Variants in CYFIP2 observed in about 807,000 individuals in gnomAD.
CYFIP2 encodes the protein cytoplasmic FMR1 interacting protein 2, also known as cytoplasmic FMR1-interacting protein 2.
Under a neutral mutation model 158.7 loss-of-function variants are expected in CYFIP2, and 29 were observed. The observed-to-expected ratio is 0.18, with a 90% CI of 0.14 to 0.25. The LOEUF is 0.25. CYFIP2 is among the 10% of genes least tolerant of loss of function. The probability of loss-of-function intolerance (pLI) is 1.00; values close to 1 mark genes in which losing one functional copy is unlikely to be tolerated. For missense variants in CYFIP2, 852 were observed against 1,639.5 expected (o/e 0.52, Z 8.29); for synonymous variants, 585 against 617.6 (o/e 0.95, Z 0.78).
At chr5:157,298,817 AC>A (rs1169148887) in intron 5 of CYFIP2, among the ~76,000 whole-genome samples, 3 of 152,158 alleles carry the variant, frequency 2.0e-5, no homozygotes, top group African/African-American at 7.2e-5. Context: ...GAATCATATA[AC>A]GTGGTCTTTT....
chr5:157,319,937 T>C lies in CYFIP2; in HGVS notation c.1523+9T>C. On this transcript the variant is annotated intron_variant, in intron 14 of 30. Coordinates refer to ENST00000620254, the MANE Select transcript of CYFIP2 (RefSeq NM_001037333.3). ...AAGAATGTCCTCATCAGGTGGGTTT[T>C]CAGATGCCTTCAGGAGCATATCAGA... 1.2e-6 allele frequency: 2 copies of C among 1,613,516 alleles called. No individual in the cohort carries two copies. Among genetic ancestry groups the C allele is most frequent in the Non-Finnish European group, 1.7e-6 (2 of 1,179,566 alleles).
At chr5:157,274,869 C>G (rs1000410918) in intron 1 of CYFIP2, among the ~76,000 whole-genome samples, 1 of 152,066 alleles carries the variant, frequency 6.6e-6, no homozygotes, top group Admixed American at 6.5e-5. Context: ...AAATCTGTTC[C>G]TTGCCTATTT....
chr5:157,281,923 C>T (rs1757020673), intron 1 of CYFIP2, among the ~76,000 whole-genome samples: 1 of 152,104 alleles, frequency 6.6e-6, no homozygotes, highest in African/African-American at 2.4e-5. Flanking sequence ...CTGCAGCCCC[C>T]TCTCCTGGGT....
chr5:157,376,438 A>T (rs1765486723), intron 26 of CYFIP2: 1 of 152,800 alleles, frequency 6.5e-6, no homozygotes. Flanking sequence ...GGTGTGTTTC[A>T]TCTTCATCTC....
In CYFIP2 at chr5:157,307,769, C is replaced by T. The variant is rs768456873; in HGVS notation, c.804C>T (p.Gly268=). The T allele has an allele frequency of 3.7e-6, 6 of 1,605,402 alleles. No homozygotes were observed. Among genetic ancestry groups the T allele is most frequent in the Non-Finnish European group, 5.1e-6 (6 of 1,173,938 alleles). The change falls in exon 9 of 31, where the codon GGC becomes GGT. Residue 268 remains glycine (G), a synonymous_variant. Transcript: ENST00000620254. ...SEKHMLLKVM[G]FGLYLMDGNV... ...CCCTCTTCTCATTCTAGGTGATGGG[C>T]TTTGGCCTCTACCTAATGGATGGAA...
intron 5 of CYFIP2, among the ~76,000 whole-genome samples, chr5:157,297,154 A>G (rs1029008109): frequency 2.0e-5 from 3 of 152,232 alleles, no homozygotes; most frequent in Admixed American, 6.5e-5. Flanking sequence ...TCAGAGAGAG[A>G]GGCTGACGTG....
chr5:157,343,459 G>C, intron 23 of CYFIP2: 1 of 1,612,268 alleles, frequency 6.2e-7, no homozygotes, highest in Non-Finnish European at 8.5e-7. Flanking sequence ...TATGGTAATA[G>C]TCCTCCAGGC....
In CYFIP2 at chr5:157,320,672, G is replaced by A. The variant is rs1693303527; in HGVS notation, c.1541G>A (p.Arg514Gln). ...NVLISVLQAIRKTICDWEGGR... is the reference protein window; with the variant it reads ...NVLISVLQAIQKTICDWEGGR... Reference sequence around the variant, plus strand: ...TTCCCCAGCGTCCTACAGGCAATTCGAAAGACCATCTGTGACTGGGAGGGA... The same window carrying A: ...TTCCCCAGCGTCCTACAGGCAATTCAAAAGACCATCTGTGACTGGGAGGGA... Residue 514 changes from arginine to glutamine, a missense_variant, in exon 15 of 31, where the codon CGA becomes CAA. By Grantham distance (43) the Arg-to-Gln change is conservative. Transcript: ENST00000620254. 6.2e-7 allele frequency: 1 copy of A among 1,613,960 alleles called. No homozygotes were observed. Among genetic ancestry groups the A allele is most frequent in the Non-Finnish European group, 8.5e-7 (1 of 1,179,866 alleles).
At chr5:157,366,753 T>C (rs1353109157) in intron 26 of CYFIP2, among the ~76,000 whole-genome samples, 1 of 152,256 alleles carries the variant, frequency 6.6e-6, no homozygotes, top group Non-Finnish European at 1.5e-5. Flanking sequence ...ATCAGGTTTT[T>C]AAAGGAAATT....
At position 157,389,233 on chromosome 5, in the gene CYFIP2, G is replaced by T; in HGVS notation, c.3252G>T (p.Arg1084=). The change falls in exon 29 of 31, where the codon CGG becomes CGT. Residue 1084 remains arginine, a synonymous_variant. Coordinates refer to ENST00000620254, the MANE Select transcript of CYFIP2 (RefSeq NM_001037333.3). The part of the protein sequence containing the change: ...AREGDLLTKE[R]LCCGLSMFEV... ...AGGGTGACCTCCTGACCAAGGAGCG[G>T]CTGTGCTGTGGCCTGTCCATGTTCG... The T allele has an allele frequency of 6.2e-7, 1 of 1,613,896 alleles. No individual in the cohort carries two copies. Among genetic ancestry groups the T allele is most frequent in the South Asian group, 1.1e-5 (1 of 91,072 alleles).
chr5:157,320,565 C>A, intron 14 of CYFIP2, 90 bp from the exon 15 acceptor site: 1 of 1,540,638 alleles, frequency 6.5e-7, no homozygotes, highest in Non-Finnish European at 8.8e-7. Flanking sequence ...GTGGGTGTTC[C>A]TGGGACACCA....
At chr5:157,381,830 C>T (rs1766146039) in intron 26 of CYFIP2, among the ~76,000 whole-genome samples, 1 of 150,732 alleles carries the variant, frequency 6.6e-6, no homozygotes, top group Non-Finnish European at 1.5e-5. Context: ...GAAATGGAGC[C>T]TGGATCCTAC....
At chr5:157,285,251 C>T (rs1757283211) in intron 1 of CYFIP2, 88 bp from the exon 2 acceptor site, 1 of 860,264 alleles carries the variant, frequency 1.2e-6, no homozygotes, top group Non-Finnish European at 1.9e-6. Flanking sequence ...TCTCTTTATT[C>T]TCCCAAAGGA....
chr5:157,364,201 T>TGGGGGGGGGGGGGGGGG (rs1330747273), intron 26 of CYFIP2: 4 of 15,108 alleles, frequency 2.6e-4, no homozygotes, highest in Admixed American at 1.0e-3. Flanking sequence ...TGGGGCGGGG[T>TGGGGGGGGGGGGGGGGG]GGCGGGGGGG....
intron 28 of CYFIP2, among the ~76,000 whole-genome samples, chr5:157,387,868 T>G (rs1003891614): frequency 1.3e-5 from 2 of 152,148 alleles, no homozygotes; most frequent in Non-Finnish European, 2.9e-5. Context: ...TAGATTTCTT[T>G]CAGTTGGTAG....
chr5:157,375,020 C>G (rs1241204237), intron 26 of CYFIP2, among the ~76,000 whole-genome samples: 1 of 152,122 alleles, frequency 6.6e-6, no homozygotes, highest in East Asian at 1.9e-4. Flanking sequence ...CATTTACTAC[C>G]CAGAAGATTC....
At chr5:157,323,131 G>T in intron 15 of CYFIP2, 1 of 1,001,730 alleles carries the variant, frequency 1.0e-6, no homozygotes. Context: ...GACAAATGAT[G>T]TGGAGAGATC....
chr5:157,308,396 C>A lies in CYFIP2; in HGVS notation c.900+531C>A, dbSNP rs1426481048. Among the ~76,000 whole-genome samples, 6 of 152,348 alleles carry A rather than the reference C, an allele frequency of 3.9e-5. No homozygotes were observed. In the East Asian group the frequency reaches 1.2e-3, roughly 29 times the overall value. On this transcript the variant is annotated intron_variant, in intron 9 of 30. Coordinates refer to ENST00000620254, the MANE Select transcript of CYFIP2 (RefSeq NM_001037333.3). ...GCCTCAGCAACGTTCATCATATACTCACTGTGTTTCAGTGCCTCTGAGAGT... is the reference window on the plus strand; with the variant it reads ...GCCTCAGCAACGTTCATCATATACTAACTGTGTTTCAGTGCCTCTGAGAGT...
At chr5:157,376,947 T>G in intron 26 of CYFIP2, 1 of 454,610 alleles carries the variant, frequency 2.2e-6, no homozygotes, top group South Asian at 1.6e-5. Context: ...TCCTCCTGCC[T>G]GCAGCCTTGC....
Sources: gnomAD v4.1 joint callset for allele counts (sites outside exome capture counted in the v4.1 genomes callset) on GRCh38, gnomAD v4.1.1 for gene constraint, MANE v1.5 for transcripts, NCBI Gene and HGNC (gene_info 2026-07-23, HGNC 2026-07-21) for gene names.